IPO8: variants seen among roughly 807,000 people sequenced by gnomAD.
IPO8 encodes the protein importin 8.
In IPO8, 65 loss-of-function variants were observed where a neutral mutation model predicts 141.2. The ratio of observed to expected loss-of-function variants is 0.46; its 90% CI spans 0.38 to 0.57. IPO8 has a LOEUF of 0.57. Among genes scored for constraint, IPO8 ranks in the 20% least tolerant of loss-of-function variants. IPO8 has a pLI of 0.00. For synonymous variants in IPO8, 411 were observed against 420.3 expected (o/e 0.98, Z 0.27); for missense variants, 980 against 1,246.8 (o/e 0.79, Z 3.22).
rs757169411 is a variant in IPO8, at chr12:30,661,220, A to G, written c.1802T>C (p.Val601Ala). The change falls in exon 16 of 25, where the codon GTT becomes GCT. Residue 601 changes from valine to alanine, a missense_variant. Val to Ala is a moderately conservative substitution (Grantham distance 64, BLOSUM62 0). Coordinates refer to ENST00000256079, the MANE Select transcript of IPO8 (RefSeq NM_006390.4). Reference sequence around the variant, plus strand: ...CATAGCCATTACTGTTTTGTCTTCAACTTCTTCATATTCATCACTTTGAAG... The same window carrying G: ...CATAGCCATTACTGTTTTGTCTTCAGCTTCTTCATATTCATCACTTTGAAG... ...KVLQSDEYEE[V>A]EDKTVMAMGI... The G allele has an allele frequency of 5.0e-6, 8 of 1,598,962 alleles. No individual in the cohort carries two copies. Among genetic ancestry groups the G allele is most frequent in the African/African-American group, 1.4e-5 (1 of 73,964 alleles).
intron 16 of IPO8, among the ~76,000 whole-genome samples, chr12:30,659,812 G>A (rs1372248385): frequency 1.6e-4 from 24 of 147,050 alleles, no homozygotes; most frequent in Admixed American, 1.6e-3. Flanking sequence ...CAGAAACTGA[G>A]CCACTGCACT....
At chr12:30,675,566 G>A (rs1420399362) in intron 6 of IPO8, among the ~76,000 whole-genome samples, 6 of 151,874 alleles carry the variant, frequency 4.0e-5, no homozygotes, top group African/African-American at 1.2e-4. Context: ...GGTGGCTCAC[G>A]CCTGTAATCC....
intron 1 of IPO8, among the ~76,000 whole-genome samples, chr12:30,693,753 A>T (rs772450859): frequency 1.3e-5 from 2 of 152,226 alleles, no homozygotes; most frequent in Non-Finnish European, 2.9e-5. Context: ...ATGCTAAATG[A>T]GTGGTATAGC....
At chr12:30,632,282 T>A (rs2052443708) in intron 23 of IPO8, among the ~76,000 whole-genome samples, 1 of 152,204 alleles carries the variant, frequency 6.6e-6, no homozygotes, top group African/African-American at 2.4e-5. Context: ...TGCTGTCTTC[T>A]ATGGATGTTC....
chr12:30,630,280 T>A lies in IPO8; in HGVS notation c.*580A>T, dbSNP rs906500035. 1 of 152,148 alleles carries A rather than the reference T, an allele frequency of 6.6e-6. No individual in the cohort carries two copies. The highest frequency in any genetic ancestry group is 1.5e-5 in the Non-Finnish European group (1 of 68,050). The allele number at this position is 152,148 out of a possible 1,614,324, so 9.4% of individuals were successfully genotyped here. A position where few individuals can be genotyped will look rare whatever the true frequency, so the allele number is the denominator to read the frequency against. On this transcript the variant is annotated 3_prime_UTR_variant, in exon 25 of 25. Coordinates refer to ENST00000256079, the MANE Select transcript of IPO8 (RefSeq NM_006390.4). ...AGTGCATATTTTATAATACAACCCC[T>A]GAAAAAAGCCCCCCAGCAGCAGGGT... is the stretch of plus-strand genomic sequence containing the variant.
In IPO8 at chr12:30,652,265, T is replaced by A; in HGVS notation, c.2099A>T (p.Tyr700Phe). ...TAAGGTATCTGTATCTATTGTCACA[T>A]AATTATGCAGGAGAGGCATCATGTC... Reference protein sequence around the residue: ...FTDMMPLLHNYVTIDTDTLLS... With the variant: ...FTDMMPLLHNFVTIDTDTLLS... The change falls in exon 19 of 25, where the codon TAT becomes TTT. Residue 700 changes from tyrosine (Y) to phenylalanine (F), a missense_variant. By Grantham distance (22) the Tyr-to-Phe change is conservative (BLOSUM62 3). Around this residue, in one of 3 missense-constraint regions of IPO8, gnomAD observed 924 missense variants for 1,153.9 expected, o/e 0.80. Coordinates refer to ENST00000256079, the MANE Select transcript of IPO8 (RefSeq NM_006390.4). 16 of 1,601,966 alleles carry A rather than the reference T, an allele frequency of 1.0e-5. No homozygotes were observed. The highest frequency in any genetic ancestry group is 1.3e-5 in the Non-Finnish European group (15 of 1,170,846).
chr12:30,653,185 A>G, intron 17 of IPO8, 93 bp from the exon 18 acceptor site: 2 of 1,100,844 alleles, frequency 1.8e-6, no homozygotes, highest in Non-Finnish European at 2.7e-6. Context: ...ACCTACGCAC[A>G]CAGAGTCCTC....
intron 20 of IPO8, among the ~76,000 whole-genome samples, chr12:30,644,264 C>T (rs1449352814): frequency 6.6e-6 from 1 of 151,724 alleles, no homozygotes; most frequent in Admixed American, 6.6e-5. Flanking sequence ...CCCAGCTACT[C>T]AGGAGGTAAG....
At chr12:30,688,297 T>C in intron 2 of IPO8, 1 of 312,672 alleles carries the variant, frequency 3.2e-6, no homozygotes. Context: ...CTTGGCAACA[T>C]CAAAATACTT....
In IPO8 at chr12:30,661,197, T is replaced by A. The variant is rs760770990; in HGVS notation, c.1825A>T (p.Met609Leu). Residue 609 changes from methionine (M) to leucine (L), a missense_variant, in exon 16 of 25, where the codon ATG (methionine) becomes TTG (leucine). Met to Leu is a conservative substitution (Grantham distance 15, BLOSUM62 2). Coordinates refer to ENST00000256079, the MANE Select transcript of IPO8 (RefSeq NM_006390.4). Reference protein sequence around the residue: ...EEVEDKTVMAMGILHTIDTIL... With the variant: ...EEVEDKTVMALGILHTIDTIL... ...GTATCAATGGTATGTAAAATTCCCA[T>A]AGCCATTACTGTTTTGTCTTCAACT... 1 of 1,594,348 alleles carries A rather than the reference T, an allele frequency of 6.3e-7. No homozygotes were observed. Among genetic ancestry groups the A allele is most frequent in the Non-Finnish European group, 8.5e-7 (1 of 1,169,740 alleles).
chr12:30,687,044 C>G (rs1168506347), intron 2 of IPO8, among the ~76,000 whole-genome samples: 1 of 151,968 alleles, frequency 6.6e-6, no homozygotes, highest in Non-Finnish European at 1.5e-5. Flanking sequence ...CCATATCAAC[C>G]AATAATCTGA....
intron 18 of IPO8, 145 bp from the exon 19 acceptor site, chr12:30,652,434 G>A: frequency 1.6e-6 from 1 of 635,596 alleles, no homozygotes; most frequent in Non-Finnish European, 2.8e-6. Context: ...TAATAAGTCT[G>A]ATGTGTATTT....
intron 2 of IPO8, chr12:30,688,808 T>A (rs1167970633): frequency 6.5e-6 from 1 of 153,276 alleles, no homozygotes; most frequent in Non-Finnish European, 1.5e-5. Context: ...GAGAAGATTC[T>A]AAATTCTAAA....
At chr12:30,686,230 G>A (rs558557496) in intron 2 of IPO8, 21 of 152,200 alleles carry the variant, frequency 1.4e-4, no homozygotes, top group African/African-American at 4.3e-4. Context: ...ATTATATTAT[G>A]TAACAGTGAC....
At position 30,662,386 on chromosome 12, in the gene IPO8, T is replaced by G; in HGVS notation, c.1696A>C (p.Met566Leu). The G allele has an allele frequency of 6.2e-7, 1 of 1,613,774 alleles. No homozygotes were observed. ...NDDVTNVIQKMICEYSQEVAS... is the reference protein window; with the variant it reads ...NDDVTNVIQKLICEYSQEVAS... ...ACCTCTTGACTGTATTCACATATCA[T>G]CTTCTGGATGACATTAGTAACATCA... Residue 566 changes from methionine (M) to leucine (L), a missense_variant, in exon 15 of 25, where the codon ATG becomes CTG. By Grantham distance (15) the Met-to-Leu change is conservative (BLOSUM62 2). Transcript: ENST00000256079.
intron 20 of IPO8, among the ~76,000 whole-genome samples, chr12:30,640,603 TTC>T (rs1268729289): frequency 6.6e-6 from 1 of 152,174 alleles, no homozygotes; most frequent in Non-Finnish European, 1.5e-5. Context: ...ATACAACATA[TTC>T]TGTGTTCTAA....
At chr12:30,660,942 TTAC>T (rs1565500733) in intron 16 of IPO8, among the ~76,000 whole-genome samples, 196 bp downstream of exon 16, 9 of 149,796 alleles carry the variant, frequency 6.0e-5, no homozygotes, top group East Asian at 1.9e-4. Flanking sequence ...CATTATAATA[TTAC>T]AAATATTATG....
chr12:30,649,232 C>T lies in IPO8; in HGVS notation c.2173G>A (p.Val725Ile). ...LEILFTMCRKVLCGDAGEDAE... is the reference protein window; with the variant it reads ...LEILFTMCRKILCGDAGEDAE... The stretch of plus-strand genomic sequence containing the variant: ...TCTTCTCCTGCATCTCCACATAGTA[C>T]CTGCAGTAATTACAATTTAGCTCAG... Residue 725 changes from valine to isoleucine, a missense_variant and splice_region_variant, in exon 20 of 25, where the codon GTA (valine) becomes ATA (isoleucine). Coordinates refer to ENST00000256079, the MANE Select transcript of IPO8 (RefSeq NM_006390.4). 1.2e-6 allele frequency: 2 copies of T among 1,609,190 alleles called. No homozygotes were observed. Among genetic ancestry groups the T allele is most frequent in the Non-Finnish European group, 1.7e-6 (2 of 1,176,270 alleles).
At position 30,654,648 on chromosome 12, in the gene IPO8, C is replaced by T. The variant is rs151112997; in HGVS notation, c.1949-1556G>A. 2.0e-4 allele frequency among the ~76,000 whole-genome samples: 30 copies of T among 151,936 alleles called. No individual in the cohort carries two copies. The East Asian group carries it at 5.4e-3, about 27-fold the overall frequency. On this transcript the variant is annotated intron_variant, in intron 17 of 24. Coordinates refer to ENST00000256079, the MANE Select transcript of IPO8 (RefSeq NM_006390.4). ...TAAATCACTAATCATCAGGGAAATG[C>T]AAATCAAAACCACATCATATCTACG...
Sources: allele counts gnomAD v4.1 joint callset (sites outside exome capture counted in the v4.1 genomes callset), GRCh38; gene constraint gnomAD v4.1.1; regional missense constraint gnomAD v4.1.1; transcripts MANE v1.5; gene names NCBI Gene and HGNC (gene_info 2026-07-23, HGNC 2026-07-21).